The following NLGN1 variants were observed in gnomAD, a reference collection of about 807,000 sequenced individuals.
NLGN1 encodes neuroligin 1.
In NLGN1, 12 loss-of-function variants were observed where a neutral mutation model predicts 65.5. That is an observed-to-expected ratio of 0.18 (90% confidence interval 0.12 to 0.30). NLGN1 has a LOEUF of 0.30. Among genes scored for constraint, NLGN1 ranks in the 10% least tolerant of loss-of-function variants. The pLI, the probability that NLGN1 is intolerant of heterozygous loss-of-function variation, is 1.00. For synonymous variants in NLGN1, 350 were observed against 359.5 expected (o/e 0.97, Z 0.30); for missense variants, 750 against 1,007.1 (o/e 0.74, Z 3.46).
intron 3 of NLGN1, among the ~76,000 whole-genome samples, chr3:173,733,955 G>A (rs1773291810): frequency 6.6e-6 from 1 of 151,712 alleles, no homozygotes. Context: ...TAAATGACTA[G>A]GTTTTATGTC....
intron 4 of NLGN1, among the ~76,000 whole-genome samples, chr3:173,905,457 T>C (rs1738202523): frequency 6.6e-6 from 1 of 152,194 alleles, no homozygotes. Flanking sequence ...CATCATGTAT[T>C]CCACAGACAA....
chr3:173,589,543 AG>A (rs1748084886), intron 2 of NLGN1, among the ~76,000 whole-genome samples: 1 of 152,192 alleles, frequency 6.6e-6, no homozygotes, highest in Non-Finnish European at 1.5e-5. Flanking sequence ...GTGGAGGAAA[AG>A]CAGAAGTTGG....
At chr3:173,659,051 C>A (rs535399245) in intron 3 of NLGN1, among the ~76,000 whole-genome samples, 2 of 152,070 alleles carry the variant, frequency 1.3e-5, no homozygotes, top group South Asian at 4.1e-4. Context: ...AAGCTTGAAG[C>A]CTTGCATTAT....
chr3:173,912,712 A>G (rs1191231993), intron 4 of NLGN1: 1 of 152,200 alleles, frequency 6.6e-6, no homozygotes, highest in Non-Finnish European at 1.5e-5. Flanking sequence ...TTGATGAAAA[A>G]ACGTGACTAT....
intron 4 of NLGN1, among the ~76,000 whole-genome samples, chr3:174,110,517 G>A (rs987486084): frequency 2.0e-5 from 3 of 151,970 alleles, no homozygotes; most frequent in South Asian, 4.2e-4. Context: ...AAGCATTTTC[G>A]TTGGGTTTAA....
chr3:173,885,357 C>T (rs1183962738), intron 4 of NLGN1, among the ~76,000 whole-genome samples: 5 of 151,922 alleles, frequency 3.3e-5, no homozygotes, highest in African/African-American at 4.8e-5. Flanking sequence ...ATAATTGAAA[C>T]TCAAAGTAGC....
intron 4 of NLGN1, among the ~76,000 whole-genome samples, chr3:174,086,459 AC>A (rs1356922527): frequency 6.6e-6 from 1 of 151,452 alleles, no homozygotes; most frequent in Non-Finnish European, 1.5e-5. Flanking sequence ...GAAAGAAATC[AC>A]ATATGTAAAA....
chr3:173,746,822 C>A (rs1426035221), intron 3 of NLGN1, among the ~76,000 whole-genome samples: 3 of 151,800 alleles, frequency 2.0e-5, no homozygotes, highest in Non-Finnish European at 4.4e-5. Context: ...GCAAGAGGAT[C>A]ACTTGAGGCC....
Position 173,488,902 on chromosome 3 carries a change from C to CT in NLGN1, c.-321+53835dup, listed in dbSNP as rs528549330. 4.4e-3 allele frequency among the ~76,000 whole-genome samples: 640 copies of CT among 143,984 alleles called. 8 individuals are homozygous for CT. Among genetic ancestry groups the CT allele is most frequent in the African/African-American group, 0.014 (541 of 39,454 alleles). The allele number at this position is 143,984 out of a possible 152,430, so 94.5% of individuals were successfully genotyped here. ...TTTTATTAGGTGATCCTTCAGCTTT[C>CT]TTTTTTTTTTTAATTTCTATCTCTT... On this transcript the variant is annotated intron_variant, in intron 2 of 6. Transcript: ENST00000457714.
intron 2 of NLGN1, among the ~76,000 whole-genome samples, chr3:173,571,933 T>A (rs1744713963): frequency 6.6e-6 from 1 of 152,216 alleles, no homozygotes; most frequent in African/African-American, 2.4e-5. Flanking sequence ...AGGAAATAGA[T>A]AACTCTGTCT....
At chr3:173,448,594 A>T (rs576665095) in intron 2 of NLGN1, among the ~76,000 whole-genome samples, 71 of 152,142 alleles carry the variant, frequency 4.7e-4, no homozygotes, top group South Asian at 2.9e-3. Context: ...GTTAGGGAGG[A>T]TTCCCTCTTT....
chr3:173,811,759 T>G (rs1213441105), intron 4 of NLGN1, among the ~76,000 whole-genome samples: 3 of 152,098 alleles, frequency 2.0e-5, no homozygotes, highest in Non-Finnish European at 2.9e-5. Flanking sequence ...AAGTCACTAT[T>G]AGATGAGATG....
intron 2 of NLGN1, among the ~76,000 whole-genome samples, chr3:173,542,676 G>A (rs762402457): frequency 4.6e-5 from 7 of 151,866 alleles, no homozygotes; most frequent in Non-Finnish European, 8.8e-5. Context: ...AGTGGTGTGC[G>A]GGGTATTTTA....
intron 4 of NLGN1, among the ~76,000 whole-genome samples, chr3:174,191,775 T>C (rs2152761007): frequency 6.6e-6 from 1 of 151,922 alleles, no homozygotes; most frequent in Non-Finnish European, 1.5e-5. Flanking sequence ...CTTCAGATTT[T>C]CAGGTTGTTT....
chr3:174,117,570 G>A (rs1049905309), intron 4 of NLGN1, among the ~76,000 whole-genome samples: 10 of 151,132 alleles, frequency 6.6e-5, no homozygotes, highest in South Asian at 2.1e-4. Context: ...GCAGTGAGCC[G>A]AGATCACGCT....
chr3:173,700,921 C>A (rs1026259826), intron 3 of NLGN1, among the ~76,000 whole-genome samples: 1 of 152,040 alleles, frequency 6.6e-6, no homozygotes, highest in Non-Finnish European at 1.5e-5. Context: ...GTCAGGAGAT[C>A]GAGACCATCC....
intron 4 of NLGN1, among the ~76,000 whole-genome samples, chr3:174,045,298 A>G (rs558549313): frequency 3.9e-5 from 6 of 152,250 alleles, no homozygotes; most frequent in Admixed American, 6.5e-5. Flanking sequence ...GAAACTTACA[A>G]TCATGGCAGA....
At chr3:174,190,676 G>A (rs1732228200) in intron 4 of NLGN1, among the ~76,000 whole-genome samples, 1 of 151,742 alleles carries the variant, frequency 6.6e-6, no homozygotes, top group South Asian at 2.1e-4. Flanking sequence ...CATTTAAGAG[G>A]GAAAGTTCTT....
chr3:173,564,209 C>T (rs1331972769), intron 2 of NLGN1, among the ~76,000 whole-genome samples: 1 of 152,232 alleles, frequency 6.6e-6, no homozygotes, highest in East Asian at 1.9e-4. Flanking sequence ...TCTCATCACA[C>T]CTTCCACGTG....
Sources: allele counts gnomAD v4.1 joint callset (sites outside exome capture counted in the v4.1 genomes callset), GRCh38; gene constraint gnomAD v4.1.1; transcripts MANE v1.5; gene names NCBI Gene and HGNC (gene_info 2026-07-23, HGNC 2026-07-21).